Variants in BDNF observed in about 807,000 individuals in gnomAD.
The protein encoded by BDNF is brain derived neurotrophic factor, also known as neurotrophic factor BDNF precursor form.
Under a neutral mutation model 19.5 loss-of-function variants are expected in BDNF, and 1 was observed. The ratio of observed to expected loss-of-function variants is 0.05; its 90% CI spans 0.02 to 0.24. The LOEUF is 0.24. BDNF is among the 10% of genes least tolerant of loss of function. The pLI, the probability that BDNF is intolerant of heterozygous loss-of-function variation, is 1.00. For synonymous variants in BDNF, 100 were observed against 121.6 expected (o/e 0.82, Z 1.17); for missense variants, 195 against 317.6 (o/e 0.61, Z 2.93).
Position 27,710,296 on chromosome 11 carries a change from A to G in BDNF, c.3+11116T>C, listed in dbSNP as rs143998973. Among the ~76,000 whole-genome samples the G allele has an allele frequency of 1.7e-4, 26 of 152,284 alleles. No individual in the cohort carries two copies. The East Asian group carries it at 4.8e-3, about 28-fold the overall frequency. Reference sequence around the variant, plus strand: ...GTATGCATCCAATCCCTCATTTAAAACCACATCTTTCTAGGAGGTGCTCTC... The same window carrying G: ...GTATGCATCCAATCCCTCATTTAAAGCCACATCTTTCTAGGAGGTGCTCTC... On this transcript the variant is annotated intron_variant, in intron 1 of 1. Transcript: ENST00000314915.
intron 1 of BDNF, among the ~76,000 whole-genome samples, chr11:27,687,569 T>G (rs535511294): frequency 6.6e-6 from 1 of 152,240 alleles, no homozygotes; most frequent in Non-Finnish European, 1.5e-5. Flanking sequence ...ATCTTTGATG[T>G]TGGCGACCTT....
chr11:27,718,472 C>A (rs1367836593), intron 1 of BDNF, among the ~76,000 whole-genome samples: 2 of 149,276 alleles, frequency 1.3e-5, no homozygotes, highest in East Asian at 2.0e-4. Flanking sequence ...GTGATGCGGG[C>A]GCCTTGGAGT....
At chr11:27,689,170 G>A (rs903686860) in intron 1 of BDNF, among the ~76,000 whole-genome samples, 8 of 152,050 alleles carry the variant, frequency 5.3e-5, no homozygotes, top group African/African-American at 1.9e-4. Flanking sequence ...ATGCATCAAG[G>A]GCAAGATATG....
At chr11:27,712,927 CTTTTTTTTTT>C (rs112937534) in intron 1 of BDNF, among the ~76,000 whole-genome samples, 1 of 117,280 alleles carries the variant, frequency 8.5e-6, no homozygotes, top group Non-Finnish European at 1.8e-5. Context: ...TTCTTTCTTT[CTTTTTTTTTT>C]TTTTTTTTTT....
intron 1 of BDNF, among the ~76,000 whole-genome samples, chr11:27,667,923 G>T (rs538799501): frequency 6.6e-6 from 1 of 152,278 alleles, no homozygotes; most frequent in East Asian, 1.9e-4. Flanking sequence ...GGACCTAATA[G>T]ACATCTACAG....
chr11:27,718,361 C>CCCCCG (rs1554950428), intron 1 of BDNF, among the ~76,000 whole-genome samples: 1 of 144,160 alleles, frequency 6.9e-6, no homozygotes, highest in South Asian at 2.8e-4. Flanking sequence ...ACCACCCCCC[C>CCCCCG]CCGCCCCTCC....
intron 1 of BDNF, among the ~76,000 whole-genome samples, chr11:27,688,349 T>C (rs1389027516): frequency 2.0e-5 from 3 of 152,158 alleles, no homozygotes; most frequent in Non-Finnish European, 1.5e-5. Context: ...CCGTGCTCCA[T>C]GGGGGTGGGA....
chr11:27,700,311 C>T lies in BDNF; in HGVS notation c.-169G>A, dbSNP rs1442413047. On this transcript the variant is annotated 5_prime_UTR_variant, in exon 1 of 2. Transcript: ENST00000356660. Reference sequence around the variant, plus strand: ...CGGTGGGTGTCTCATTAAAGCCCCCCGAGCAGGAGGTGGAGGGGCGCACCG... The same window carrying T: ...CGGTGGGTGTCTCATTAAAGCCCCCTGAGCAGGAGGTGGAGGGGCGCACCG... 50 of 985,154 alleles carry T rather than the reference C, an allele frequency of 5.1e-5. No individual in the cohort carries two copies. Among genetic ancestry groups the T allele is most frequent in the Non-Finnish European group, 5.7e-5 (47 of 829,970 alleles). 61.0% of individuals were successfully genotyped at this position (985,154 alleles called of 1,614,324 possible).
chr11:27,660,121 C>T, intron 1 of BDNF: 1 of 942,332 alleles, frequency 1.1e-6, no homozygotes, highest in Non-Finnish European at 1.3e-6. Context: ...TGTGTTTCTG[C>T]CCATGAAGTT....
rs1235372807 is a variant in BDNF at position 27,700,315 on chromosome 11, C to T, written c.-173G>A. 4.1e-6 allele frequency: 4 copies of T among 985,146 alleles called. No individual in the cohort carries two copies. The highest frequency in any genetic ancestry group is 4.8e-6 in the Non-Finnish European group (4 of 829,954). The allele number at this position is 985,146 out of a possible 1,614,324, so 61.0% of individuals were successfully genotyped here. On this transcript the variant is annotated 5_prime_UTR_variant, in exon 1 of 2. Coordinates refer to ENST00000356660, the MANE Select transcript of BDNF (RefSeq NM_001709.5). ...GGGTGTCTCATTAAAGCCCCCCGAG[C>T]AGGAGGTGGAGGGGCGCACCGGGCT... is the stretch of plus-strand genomic sequence containing the variant.
At chr11:27,708,175 G>A (rs543858184) in intron 1 of BDNF, among the ~76,000 whole-genome samples, 1 of 152,272 alleles carries the variant, frequency 6.6e-6, no homozygotes, top group Admixed American at 6.5e-5. Flanking sequence ...TAAGTTCCAA[G>A]TGTAAACAAC....
At chr11:27,678,249 G>A (rs560353843) in intron 1 of BDNF, among the ~76,000 whole-genome samples, 2 of 152,176 alleles carry the variant, frequency 1.3e-5, no homozygotes, top group Non-Finnish European at 2.9e-5. Context: ...ATGGGAAAGA[G>A]CTTTGTACAT....
rs1262566140 is a variant in BDNF at position 27,657,278 on chromosome 11, A to AC, written c.*542dup. On this transcript the variant is annotated 3_prime_UTR_variant, in exon 2 of 2. Coordinates refer to ENST00000356660, the MANE Select transcript of BDNF (RefSeq NM_001709.5). This position sits in a 1 kb window ranked among gnomAD's most constrained non-coding sequence, Gnocchi z 5.0. ...AAAAACACAAAACAAACAAAAATATACCCCCCATCCCCCATCCCCTAAGCC... is the reference window on the plus strand; with the variant it reads ...AAAAACACAAAACAAACAAAAATATACCCCCCCATCCCCCATCCCCTAAGCC... The AC allele has an allele frequency of 3.9e-5, 38 of 986,862 alleles. No homozygotes were observed. Among genetic ancestry groups the AC allele is most frequent in the Non-Finnish European group, 4.5e-5 (37 of 830,944 alleles). 61.1% of individuals were successfully genotyped at this position (986,862 alleles called of 1,614,324 possible). A position where few individuals can be genotyped will look rare whatever the true frequency, so the allele number is the denominator to read the frequency against.
At chr11:27,691,868 TTTTGTGG>T (rs1424791584) in intron 1 of BDNF, among the ~76,000 whole-genome samples, 17 of 152,308 alleles carry the variant, frequency 1.1e-4, no homozygotes, top group African/African-American at 4.1e-4. Context: ...TATCTGAAGA[TTTTGTGG>T]TTTCCAAAAG....
chr11:27,719,951 A>C (rs1047799616), intron 1 of BDNF, among the ~76,000 whole-genome samples: 2 of 152,102 alleles, frequency 1.3e-5, no homozygotes, highest in African/African-American at 4.8e-5. Context: ...TAAATGCTAC[A>C]AAGTCAAATT....
rs1459327095 is a variant in BDNF at position 27,657,969 on chromosome 11, A to G, written c.596T>C (p.Ile199Thr). Residue 199 changes from isoleucine to threonine, a missense_variant, in exon 2 of 2, where the codon ATA becomes ACA. Coordinates refer to ENST00000356660, the MANE Select transcript of BDNF (RefSeq NM_001709.5). The surrounding 1 kb of genome is among the most constrained non-coding windows in gnomAD (Gnocchi z 5.0). ...CTGGGAGTTCCAATGCCTTTTGTCT[A>G]TGCCCCTGCAGCCTTCTTTTGTGTA... ...MGYTKEGCRGIDKRHWNSQCR... is the reference protein window; with the variant it reads ...MGYTKEGCRGTDKRHWNSQCR... 2.5e-6 allele frequency: 4 copies of G among 1,613,982 alleles called. No individual in the cohort carries two copies. The highest frequency in any genetic ancestry group is 2.2e-5 in the East Asian group (1 of 44,892).
chr11:27,663,378 A>G (rs191310707), intron 1 of BDNF, among the ~76,000 whole-genome samples: 53 of 152,374 alleles, frequency 3.5e-4, no homozygotes, highest in African/African-American at 1.2e-3. Context: ...AGGAAATTCA[A>G]TATAGTACAT....
At chr11:27,678,661 A>T (rs1186174201) in intron 1 of BDNF, among the ~76,000 whole-genome samples, 1 of 152,242 alleles carries the variant, frequency 6.6e-6, no homozygotes, top group Non-Finnish European at 1.5e-5. Context: ...TGTTGGAGAC[A>T]TGTGTCTGTC....
intron 1 of BDNF, chr11:27,659,290 C>G: frequency 1.0e-6 from 1 of 997,612 alleles, no homozygotes; most frequent in Non-Finnish European, 1.2e-6. Context: ...TATGTTAGAA[C>G]TCAGGGCTCC....
Sources: gnomAD v4.1 joint callset for allele counts (sites outside exome capture counted in the v4.1 genomes callset) on GRCh38, gnomAD v4.1.1 for gene constraint, Gnocchi (gnomAD v3.1) non-coding constraint, MANE v1.5 for transcripts, NCBI Gene and HGNC (gene_info 2026-07-23, HGNC 2026-07-21) for gene names.